RYR2: variants seen among roughly 807,000 people sequenced by gnomAD.
RYR2 encodes cardiac muscle ryanodine receptor-calcium release channel.
A neutral mutation model predicts 601.1 loss-of-function variants in RYR2; 227 were observed. That is an observed-to-expected ratio of 0.38 (90% confidence interval 0.34 to 0.42). The LOEUF is 0.42. Ranked by LOEUF, RYR2 falls within the 10% of genes least tolerant of loss-of-function variation. The probability of loss-of-function intolerance (pLI) is 1.00; values close to 1 mark genes in which losing one functional copy is unlikely to be tolerated. For missense variants in RYR2, 4,646 were observed against 6,156.5 expected (o/e 0.75, Z 8.21); for synonymous variants, 2,223 against 2,175.1 (o/e 1.02, Z -0.61).
At chr1:237,744,800 ATTTT>A (rs111625810) in intron 80 of RYR2, among the ~76,000 whole-genome samples, 2 of 136,344 alleles carry the variant, frequency 1.5e-5, no homozygotes. Context: ...TTCCTTTGTA[ATTTT>A]TTTTTTTTTT....
At chr1:237,283,935 T>C (rs1691164216) in intron 2 of RYR2, among the ~76,000 whole-genome samples, 1 of 152,194 alleles carries the variant, frequency 6.6e-6, no homozygotes. Flanking sequence ...ATATTTGTTG[T>C]CTTTTATCCC....
intron 1 of RYR2, among the ~76,000 whole-genome samples, chr1:237,224,468 C>T (rs959137321): frequency 6.6e-6 from 1 of 152,142 alleles, no homozygotes. Context: ...CAAAGGTCAA[C>T]TCTATTAGTA....
At chr1:237,143,341 T>C (rs1401324128) in intron 1 of RYR2, among the ~76,000 whole-genome samples, 1 of 152,192 alleles carries the variant, frequency 6.6e-6, no homozygotes, top group African/African-American at 2.4e-5. Context: ...CCATCCTGCT[T>C]TGGCTCACAG....
intron 1 of RYR2, among the ~76,000 whole-genome samples, chr1:237,148,530 ATAT>A (rs1558319947): frequency 0.057 from 2,508 of 44,344 alleles, 123 homozygotes; most frequent in African/African-American, 0.14. Context: ...AAAAAAAAAT[ATAT>A]ATATATATAT....
chr1:237,342,282 A>G (rs1396499180), intron 3 of RYR2, among the ~76,000 whole-genome samples: 3 of 150,666 alleles, frequency 2.0e-5, no homozygotes, highest in Non-Finnish European at 4.4e-5. Context: ...AGCCAGGACC[A>G]CAGGCACAAG....
intron 12 of RYR2, among the ~76,000 whole-genome samples, chr1:237,440,694 G>T (rs879645651): frequency 3.9e-4 from 59 of 152,228 alleles, no homozygotes; most frequent in Non-Finnish European, 4.3e-4. Context: ...GCTTTGATTA[G>T]TTCAAAATAA....
intron 98 of RYR2, among the ~76,000 whole-genome samples, chr1:237,803,521 C>G (rs555907371): frequency 2.6e-5 from 4 of 152,010 alleles, no homozygotes; most frequent in Admixed American, 6.6e-5. Flanking sequence ...AGGATGGTCT[C>G]GATCTCCTGA....
intron 1 of RYR2, among the ~76,000 whole-genome samples, chr1:237,089,808 G>T (rs1171128483): frequency 1.3e-5 from 2 of 152,088 alleles, no homozygotes; most frequent in Non-Finnish European, 2.9e-5. Flanking sequence ...GTAATCTCTG[G>T]TATTTCAGAA....
chr1:237,660,589 A>G (rs565561003), intron 55 of RYR2, among the ~76,000 whole-genome samples: 3 of 152,268 alleles, frequency 2.0e-5, no homozygotes, highest in East Asian at 1.9e-4. Flanking sequence ...TTGGTGCTAT[A>G]TAATGAACAA....
intron 2 of RYR2, among the ~76,000 whole-genome samples, chr1:237,289,308 G>T (rs1179670607): frequency 1.3e-5 from 2 of 152,072 alleles, no homozygotes; most frequent in Non-Finnish European, 2.9e-5. Flanking sequence ...ATCTAGTCCT[G>T]CCTCCCATCC....
At chr1:237,572,069 C>A (rs1672755929) in intron 29 of RYR2, among the ~76,000 whole-genome samples, 1 of 151,816 alleles carries the variant, frequency 6.6e-6, no homozygotes, top group South Asian at 2.1e-4. Context: ...ATTTTTATAC[C>A]CTTAATATCT....
chr1:237,193,335 C>T (rs1047498448), intron 1 of RYR2, among the ~76,000 whole-genome samples: 3 of 151,998 alleles, frequency 2.0e-5, no homozygotes, highest in Non-Finnish European at 4.4e-5. Context: ...GGCATGGTGG[C>T]GGGAGCCTGT....
At chr1:237,667,098 C>T (rs1408123146) in intron 57 of RYR2, among the ~76,000 whole-genome samples, 2 of 152,178 alleles carry the variant, frequency 1.3e-5, no homozygotes, top group Non-Finnish European at 2.9e-5. Flanking sequence ...ATTGCATTTG[C>T]TTGCTCCATT....
chr1:237,512,035 A>G (rs74147295), intron 24 of RYR2, among the ~76,000 whole-genome samples: 1 of 152,162 alleles, frequency 6.6e-6, no homozygotes, highest in African/African-American at 2.4e-5. Flanking sequence ...CTACAGGTGT[A>G]TATGGGTATT....
intron 1 of RYR2, among the ~76,000 whole-genome samples, chr1:237,138,409 A>G (rs1158158714): frequency 6.6e-6 from 1 of 152,190 alleles, no homozygotes; most frequent in African/African-American, 2.4e-5. Flanking sequence ...TAGTTCTGCT[A>G]GAAAGAACCA....
chr1:237,720,742 G>C (rs973441520), intron 73 of RYR2, among the ~76,000 whole-genome samples: 1 of 152,164 alleles, frequency 6.6e-6, no homozygotes, highest in African/African-American at 2.4e-5. Context: ...TACTGAGTTA[G>C]AGACAGAGAG....
chr1:237,199,786 A>G (rs1008020970), intron 1 of RYR2, among the ~76,000 whole-genome samples: 6 of 152,232 alleles, frequency 3.9e-5, no homozygotes, highest in African/African-American at 1.4e-4. Flanking sequence ...CTGTGGATCT[A>G]TGAAAACTAA....
intron 50 of RYR2, among the ~76,000 whole-genome samples, chr1:237,651,126 C>T (rs565090073): frequency 2.9e-4 from 44 of 152,220 alleles, no homozygotes; most frequent in African/African-American, 9.6e-4. Flanking sequence ...ACAGTGGAGT[C>T]TGCATTTGTG....
At chr1:237,324,240 A>G (rs1695927487) in intron 2 of RYR2, among the ~76,000 whole-genome samples, 1 of 152,170 alleles carries the variant, frequency 6.6e-6, no homozygotes, top group Non-Finnish European at 1.5e-5. Flanking sequence ...TAAACATTTT[A>G]AAGGATATTA....
Sources: gnomAD v4.1 joint callset for allele counts (sites outside exome capture counted in the v4.1 genomes callset) on GRCh38, gnomAD v4.1.1 for gene constraint, MANE v1.5 for transcripts, NCBI Gene and HGNC (gene_info 2026-07-23, HGNC 2026-07-21) for gene names.